The following PRMT8 variants were observed in gnomAD, a reference collection of about 807,000 sequenced individuals.
The protein encoded by PRMT8 is protein arginine N-methyltransferase 8.
In PRMT8, 7 loss-of-function variants were observed where a neutral mutation model predicts 47.1. That is an observed-to-expected ratio of 0.15 (90% CI 0.08 to 0.28). The LOEUF (loss-of-function observed/expected upper bound fraction) is 0.28, where lower values mean the gene tolerates loss of function less well. Ranked by LOEUF, PRMT8 falls within the 10% of genes least tolerant of loss-of-function variation. The probability of loss-of-function intolerance (pLI) is 1.00; values close to 1 mark genes in which losing one functional copy is unlikely to be tolerated. For missense variants in PRMT8, 237 were observed against 505.4 expected, an observed-to-expected ratio of 0.47 and a Z score of 5.09; for synonymous variants, 188 against 186.5, an observed-to-expected ratio of 1.01 and a Z score of -0.07.
At chr12:3,558,237 C>CCCCTTCCTCCCCTTCCTT (rs1866561899) in intron 4 of PRMT8, among the ~76,000 whole-genome samples, 4 of 151,944 alleles carry the variant, frequency 2.6e-5, no homozygotes, top group African/African-American at 7.3e-5. Context: ...TCCCCTTCCT[C>CCCCTTCCTCCCCTTCCTT]CCCTTCCTCC....
Position 3,457,842 on chromosome 12 carries a change from C to CTT in PRMT8, c.48+76423_48+76424dup, listed in dbSNP as rs762181050. Among the ~76,000 whole-genome samples the CTT allele has an allele frequency of 2.7e-3, 219 of 81,008 alleles. 6 individuals are homozygous for CTT. Among genetic ancestry groups the CTT allele is most frequent in the Middle Eastern group, 8.8e-3 (1 of 114 alleles). 53.1% of individuals were successfully genotyped at this position (81,008 alleles called of 152,430 possible). A position where few individuals can be genotyped will look rare whatever the true frequency, so the allele number is the denominator to read the frequency against. On this transcript the variant is annotated intron_variant, in intron 1 of 9. Coordinates refer to the PRMT8 transcript ENST00000452611. Reference sequence around the variant, plus strand: ...TTTTGCTTTAGGTCTTTCCAGTTTGCTTTTTTTTTTTTTTTTTTTTTTTTA... The same window carrying CTT: ...TTTTGCTTTAGGTCTTTCCAGTTTGCTTTTTTTTTTTTTTTTTTTTTTTTTTA...
chr12:3,565,337 C>T (rs557076564), intron 4 of PRMT8, among the ~76,000 whole-genome samples: 5 of 152,132 alleles, frequency 3.3e-5, no homozygotes, highest in South Asian at 2.1e-4. Context: ...GGAACAAGAG[C>T]GTAAGTTGCT....
At chr12:3,471,682 G>A (rs890628632) in intron 1 of PRMT8, among the ~76,000 whole-genome samples, 3 of 151,636 alleles carry the variant, frequency 2.0e-5, no homozygotes, top group African/African-American at 7.3e-5. Flanking sequence ...CTAGTCACAC[G>A]AGCAGCTGCC....
chr12:3,593,031 C>A lies in PRMT8; in HGVS notation c.1102-68C>A. ...CTGTGGTTCCAGGAGCAGGTGGTGC[C>A]AGAGAGTGGGGCTGTGGCTTCATAC... On this transcript the variant is annotated intron_variant, in intron 9 of 9. Coordinates refer to ENST00000382622, the MANE Select transcript of PRMT8 (RefSeq NM_019854.5). This position sits in a 1 kb window ranked among gnomAD's most constrained non-coding sequence, Gnocchi z 4.8. 1 of 1,272,018 alleles carries A rather than the reference C, an allele frequency of 7.9e-7. No individual in the cohort carries two copies. The highest frequency in any genetic ancestry group is 1.1e-6 in the Non-Finnish European group (1 of 874,966). 78.8% of individuals were successfully genotyped at this position (1,272,018 alleles called of 1,614,324 possible).
Position 3,550,105 on chromosome 12 carries a change from T to G in PRMT8, c.417+14T>G. ...AAGGTGTTTGGGGTGAGCACGCCGC[T>G]TCCTCCTGCATGCTGGCTTCCACAG... On this transcript the variant is annotated intron_variant, in intron 3 of 9. Transcript: ENST00000382622. The surrounding 1 kb of genome is among the most constrained non-coding windows in gnomAD (Gnocchi z 5.1). 6.2e-7 allele frequency: 1 copy of G among 1,612,758 alleles called. No individual in the cohort carries two copies. The highest frequency in any genetic ancestry group is 2.2e-5 in the East Asian group (1 of 44,848).
rs112646043 is a variant in PRMT8 at position 3,527,475 on chromosome 12, G to A, written c.76-13131G>A. Among the ~76,000 whole-genome samples, 328 of 152,084 alleles carry A rather than the reference G, an allele frequency of 2.2e-3. 2 individuals carry two copies. The highest frequency in any genetic ancestry group is 6.8e-3 in the African/African-American group (284 of 41,506). On this transcript the variant is annotated intron_variant, in intron 1 of 9. Coordinates refer to ENST00000382622, the MANE Select transcript of PRMT8 (RefSeq NM_019854.5). ...TAAAACTTATGAATTGCCTACTTCC[G>A]GAATTTTCCATTTAATATTTTCAGA...
chr12:3,565,626 C>T (rs1866706524), intron 4 of PRMT8, among the ~76,000 whole-genome samples: 1 of 152,156 alleles, frequency 6.6e-6, no homozygotes, highest in African/African-American at 2.4e-5. Flanking sequence ...TGCCTTTTTG[C>T]AAGCAGAGAT....
intron 1 of PRMT8, among the ~76,000 whole-genome samples, chr12:3,529,496 C>T (rs1358345160): frequency 6.6e-6 from 1 of 152,128 alleles, no homozygotes; most frequent in Non-Finnish European, 1.5e-5. Context: ...CAGTGGCTGA[C>T]GTTATTCCCT....
intron 8 of PRMT8, among the ~76,000 whole-genome samples, chr12:3,585,589 A>G (rs1351772808): frequency 1.3e-5 from 2 of 151,076 alleles, no homozygotes; most frequent in Non-Finnish European, 2.9e-5. Context: ...GCTGGTCTCA[A>G]TGATTCTCTT....
At chr12:3,429,846 T>G (rs1235183780) in intron 1 of PRMT8, among the ~76,000 whole-genome samples, 2 of 152,244 alleles carry the variant, frequency 1.3e-5, no homozygotes, top group African/African-American at 4.8e-5. Flanking sequence ...GAGTGCTCTT[T>G]GGATCCGCAT....
rs567605795 is a variant in PRMT8 at position 3,467,154 on chromosome 12, G to T, written c.49-73452G>T. ...ACTCGGGAGGCTGAGGCAGGAGAAT[G>T]GCATGAACCTGGGAGGCGGAGCTTG... On this transcript the variant is annotated intron_variant, in intron 1 of 9. Coordinates refer to the PRMT8 transcript ENST00000452611. 6.4e-4 allele frequency among the ~76,000 whole-genome samples: 95 copies of T among 147,804 alleles called. 1 individual carries two copies. Among genetic ancestry groups the T allele is most frequent in the African/African-American group, 2.4e-3 (95 of 40,204 alleles).
upstream of PRMT8, among the ~76,000 whole-genome samples, chr12:3,489,437 G>A (rs998216951): frequency 8.6e-5 from 13 of 151,942 alleles, no homozygotes; most frequent in Non-Finnish European, 1.9e-4. Flanking sequence ...ATGGGCAAAT[G>A]TCCTCCTCTC....
intron 1 of PRMT8, chr12:3,469,278 C>T: frequency 2.3e-6 from 1 of 430,002 alleles, no homozygotes; most frequent in South Asian, 1.9e-5. Flanking sequence ...CCTCACGACC[C>T]CCACCAAAGC....
chr12:3,523,238 T>G (rs766353645), intron 1 of PRMT8, among the ~76,000 whole-genome samples: 3 of 152,212 alleles, frequency 2.0e-5, no homozygotes, highest in Non-Finnish European at 4.4e-5. Flanking sequence ...GGTGAGTCAC[T>G]CTTCCAAAAA....
rs1460230812 is a variant in PRMT8, at chr12:3,492,584, G to A, written c.75+884G>A. On this transcript the variant is annotated intron_variant, in intron 1 of 9. Coordinates refer to ENST00000382622, the MANE Select transcript of PRMT8 (RefSeq NM_019854.5). The surrounding 1 kb of genome is among the most constrained non-coding windows in gnomAD (Gnocchi z 7.5). ...ACTCTCCAGCTGGCCCTGAGCCGCA[G>A]AGAGCCCTGCTGGGCTTTGCGTCCC... Among the ~76,000 whole-genome samples, 6 of 152,258 alleles carry A rather than the reference G, an allele frequency of 3.9e-5. No homozygotes were observed. Among genetic ancestry groups the A allele is most frequent in the African/African-American group, 4.8e-5 (2 of 41,478 alleles).
At chr12:3,534,366 AGT>A (rs1866083610) in intron 1 of PRMT8, among the ~76,000 whole-genome samples, 2 of 152,172 alleles carry the variant, frequency 1.3e-5, no homozygotes, top group Admixed American at 1.3e-4. Context: ...TGGTGCAGAG[AGT>A]GCTGGCTTCC....
intron 1 of PRMT8, among the ~76,000 whole-genome samples, chr12:3,442,651 G>A (rs1312353405): frequency 6.6e-6 from 1 of 152,170 alleles, no homozygotes; most frequent in Non-Finnish European, 1.5e-5. Flanking sequence ...TCCTAAACTA[G>A]GTGATGGCCT....
chr12:3,554,790 C>T (rs993002127), intron 4 of PRMT8, among the ~76,000 whole-genome samples: 1 of 152,170 alleles, frequency 6.6e-6, no homozygotes, highest in East Asian at 1.9e-4. Context: ...ACCGAGGAGT[C>T]AGCTCAGCCT....
At chr12:3,506,425 C>G (rs142996412) in intron 1 of PRMT8, among the ~76,000 whole-genome samples, 1 of 152,200 alleles carries the variant, frequency 6.6e-6, no homozygotes, top group Non-Finnish European at 1.5e-5. Context: ...AGGGAAGGCA[C>G]CTTTGATTCA....
Sources: allele counts gnomAD v4.1 joint callset (sites outside exome capture counted in the v4.1 genomes callset), GRCh38; gene constraint gnomAD v4.1.1; non-coding constraint Gnocchi (gnomAD v3.1); transcripts MANE v1.5; gene names NCBI Gene and HGNC (gene_info 2026-07-23, HGNC 2026-07-21).